FGGY: variants seen among roughly 807,000 people sequenced by gnomAD.
FGGY encodes FGGY carbohydrate kinase domain-containing protein.
Under a neutral mutation model 71.3 loss-of-function variants are expected in FGGY, and 72 were observed. The observed-to-expected ratio is 1.01, with a 90% confidence interval of 0.84 to 1.23. The LOEUF (loss-of-function observed/expected upper bound fraction) is 1.23, where lower values mean the gene tolerates loss of function less well. Among genes scored for constraint, FGGY ranks in the 50% most tolerant of loss-of-function variants. The probability of loss-of-function intolerance (pLI) is 0.00; values close to 1 mark genes in which losing one functional copy is unlikely to be tolerated. For synonymous variants in FGGY, 251 were observed against 250.3 expected (o/e 1.00, Z -0.02); for missense variants, 668 against 682.3 (o/e 0.98, Z 0.23).
In FGGY at chr1:59,667,338, C is replaced by T. The variant is rs1268409440; in HGVS notation, c.1352C>T (p.Thr451Ile). 5 of 1,614,042 alleles carry T rather than the reference C, an allele frequency of 3.1e-6. No individual in the cohort carries two copies. Among genetic ancestry groups the T allele is most frequent in the Middle Eastern group, 1.6e-4 (1 of 6,084 alleles). Residue 451 changes from threonine (T) to isoleucine (I), a missense_variant, in exon 13 of 16, where the codon ACT becomes ATT. By Grantham distance (89) the Thr-to-Ile change is moderately conservative. This residue lies in a region of FGGY where 661 missense variants were observed against 661.6 expected (regional missense o/e 1.00). Transcript: ENST00000303721. ...AMEAAGHSIS[T>I]LFLCGGLSKN... ...GAGGCAGCAGGGCACTCAATCAGTA[C>T]TCTTTTCCTATGTGGAGGCCTCAGC...
intron 14 of FGGY, among the ~76,000 whole-genome samples, chr1:59,686,164 T>G (rs10889150): frequency 0.81 from 122,390 of 152,014 alleles, 49,993 homozygotes; most frequent in Non-Finnish European, 0.88. Flanking sequence ...CTTGACTCAG[T>G]GATAGAACCA....
chr1:59,632,380 A>G (rs537072401), intron 10 of FGGY, among the ~76,000 whole-genome samples: 3 of 151,952 alleles, frequency 2.0e-5, no homozygotes, highest in Non-Finnish European at 4.4e-5. Flanking sequence ...CTTTTTTCCT[A>G]CTTTCCCTGA....
chr1:59,507,444 C>T (rs2094415148), intron 6 of FGGY, among the ~76,000 whole-genome samples: 4 of 152,164 alleles, frequency 2.6e-5, no homozygotes, highest in Admixed American at 6.5e-5. Flanking sequence ...CTATTTTTCA[C>T]TTGGTTTGAC....
At chr1:59,300,702 A>G (rs1048766799) in intron 1 of FGGY, among the ~76,000 whole-genome samples, 4 of 151,258 alleles carry the variant, frequency 2.6e-5, no homozygotes, top group Non-Finnish European at 4.4e-5. Flanking sequence ...TTTTTTGCAT[A>G]TGGCTATCCA....
chr1:59,362,597 A>G (rs1007489087), intron 4 of FGGY, among the ~76,000 whole-genome samples: 1 of 152,174 alleles, frequency 6.6e-6, no homozygotes, highest in Non-Finnish European at 1.5e-5. Context: ...CCATTGCCTC[A>G]GTGTGGACTG....
At chr1:59,590,690 CATG>C (rs2096414672) in intron 8 of FGGY, among the ~76,000 whole-genome samples, 1 of 152,194 alleles carries the variant, frequency 6.6e-6, no homozygotes, top group Non-Finnish European at 1.5e-5. Context: ...GAAAAAACCA[CATG>C]ATTATCTCAA....
At chr1:59,333,489 G>A (rs17119280) in intron 2 of FGGY, among the ~76,000 whole-genome samples, 3,225 of 152,282 alleles carry the variant, frequency 0.021, 95 homozygotes, top group African/African-American at 0.071. Context: ...GTACTGCCAA[G>A]GAAGCTGCTT....
chr1:59,693,491 A>G (rs890559974), intron 14 of FGGY, among the ~76,000 whole-genome samples: 16 of 152,274 alleles, frequency 1.1e-4, no homozygotes, highest in Non-Finnish European at 2.9e-5. Context: ...TGCCTGGCAC[A>G]GGCAGCGTGT....
At chr1:59,712,767 T>C (rs1245634060) in intron 14 of FGGY, among the ~76,000 whole-genome samples, 1 of 152,150 alleles carries the variant, frequency 6.6e-6, no homozygotes, top group Non-Finnish European at 1.5e-5. Context: ...ACATCACTTT[T>C]TCCTCTTAGG....
intron 8 of FGGY, among the ~76,000 whole-genome samples, chr1:59,581,331 A>G (rs1025876967): frequency 6.7e-6 from 1 of 150,182 alleles, no homozygotes; most frequent in Admixed American, 6.6e-5. Flanking sequence ...CTATTGGAGA[A>G]AATGGAACCT....
At chr1:59,374,196 C>G (rs867540401) in intron 4 of FGGY, among the ~76,000 whole-genome samples, 2 of 152,242 alleles carry the variant, frequency 1.3e-5, no homozygotes, top group Middle Eastern at 6.8e-3. Flanking sequence ...TGAACTCAAA[C>G]AAATTTACAA....
At chr1:59,632,331 T>C (rs1013025933) in intron 10 of FGGY, among the ~76,000 whole-genome samples, 2 of 152,200 alleles carry the variant, frequency 1.3e-5, no homozygotes, top group African/African-American at 4.8e-5. Flanking sequence ...CTTAATGTTG[T>C]CTTTGTTGTG....
chr1:59,692,544 A>T (rs548768814), intron 14 of FGGY, among the ~76,000 whole-genome samples: 2 of 152,006 alleles, frequency 1.3e-5, no homozygotes, highest in African/African-American at 2.4e-5. Flanking sequence ...AACTCCAAGG[A>T]TTATCATCAG....
intron 5 of FGGY, among the ~76,000 whole-genome samples, chr1:59,415,677 C>T (rs193239307): frequency 1.6e-4 from 24 of 152,290 alleles, no homozygotes; most frequent in Admixed American, 8.5e-4. Context: ...CACTGTTTTG[C>T]GGTTTTCTCC....
At chr1:59,345,916 A>G (rs7528596) in intron 3 of FGGY, among the ~76,000 whole-genome samples, 4,494 of 152,302 alleles carry the variant, frequency 0.03, 190 homozygotes, top group African/African-American at 0.1. Flanking sequence ...TATGCCCAGA[A>G]AAGTTTTTCT....
At chr1:59,336,719 C>T (rs1425039540) in intron 2 of FGGY, among the ~76,000 whole-genome samples, 1 of 151,950 alleles carries the variant, frequency 6.6e-6, no homozygotes, top group Non-Finnish European at 1.5e-5. Flanking sequence ...GTTCAACTCC[C>T]ACTTATGAGT....
chr1:59,570,880 C>G (rs930710279), intron 8 of FGGY, among the ~76,000 whole-genome samples: 2 of 152,174 alleles, frequency 1.3e-5, no homozygotes, highest in African/African-American at 4.8e-5. Flanking sequence ...GAGTGAGCTT[C>G]TTTTGTTTGT....
chr1:59,573,973 A>G (rs2096034455), intron 8 of FGGY, among the ~76,000 whole-genome samples: 1 of 152,162 alleles, frequency 6.6e-6, no homozygotes, highest in Admixed American at 6.5e-5. Flanking sequence ...TACTGTTTCT[A>G]GTCACTCTGT....
At chr1:59,323,023 G>T (rs543074795) in intron 2 of FGGY, among the ~76,000 whole-genome samples, 1 of 151,676 alleles carries the variant, frequency 6.6e-6, no homozygotes, top group Non-Finnish European at 1.5e-5. Flanking sequence ...GGCAGAGAGA[G>T]GAGGGAGTGG....
Sources: gnomAD v4.1 joint callset for allele counts (sites outside exome capture counted in the v4.1 genomes callset) on GRCh38, gnomAD v4.1.1 for gene constraint, gnomAD v4.1.1 regional missense constraint, MANE v1.5 for transcripts, NCBI Gene and HGNC (gene_info 2026-07-23, HGNC 2026-07-21) for gene names.